NXPE4: variants seen among roughly 807,000 people sequenced by gnomAD.
NXPE4 encodes neurexophilin and PC-esterase domain family member 4.
A neutral mutation model predicts 33.3 loss-of-function variants in NXPE4; 42 were observed. The ratio of observed to expected loss-of-function variants is 1.26; its 90% CI spans 0.98 to 1.63. The LOEUF (loss-of-function observed/expected upper bound fraction) is 1.63, where lower values mean the gene tolerates loss of function less well. NXPE4 is among the 40% of genes most tolerant of loss of function. NXPE4 has a pLI of 0.00. For synonymous variants in NXPE4, 253 were observed against 234.9 expected, an observed-to-expected ratio of 1.08 and a Z score of -0.71; for missense variants, 709 against 647.6, an observed-to-expected ratio of 1.09 and a Z score of -1.03.
chr11:114,611,297 T>C, the NXPE4 span, among the ~76,000 whole-genome samples: 1 of 151,670 alleles, frequency 6.6e-6, no homozygotes, highest in Non-Finnish European at 1.5e-5. Flanking sequence ...AAGTGTTGCC[T>C]CATGGGTAAT....
chr11:114,671,735 A>G, the NXPE4 span, among the ~76,000 whole-genome samples: 3 of 152,056 alleles, frequency 2.0e-5, no homozygotes, highest in Non-Finnish European at 2.9e-5. Context: ...AGAAATTCTC[A>G]GATAAACAAA....
chr11:114,589,591 C>G (rs899454102), intron 2 of NXPE4, among the ~76,000 whole-genome samples: 16 of 152,112 alleles, frequency 1.1e-4, no homozygotes, highest in African/African-American at 3.1e-4. Flanking sequence ...ATACTTATAG[C>G]CCCAGGAAAA....
the NXPE4 span, among the ~76,000 whole-genome samples, chr11:114,633,697 G>C: frequency 6.7e-6 from 1 of 149,050 alleles, no homozygotes; most frequent in East Asian, 2.0e-4. Context: ...TCCCACCTAT[G>C]AGTGAGAACA....
the NXPE4 span, among the ~76,000 whole-genome samples, chr11:114,621,316 C>T: frequency 2.6e-5 from 4 of 152,192 alleles, no homozygotes; most frequent in African/African-American, 4.8e-5. Flanking sequence ...TGTGGGTATC[C>T]ACTGTTACCC....
chr11:114,661,005 G>C, the NXPE4 span, among the ~76,000 whole-genome samples: 1 of 152,070 alleles, frequency 6.6e-6, no homozygotes, highest in Non-Finnish European at 1.5e-5. Flanking sequence ...AACACAGCAT[G>C]ATTAAGAATG....
At chr11:114,619,420 G>A in the NXPE4 span, among the ~76,000 whole-genome samples, 11 of 150,238 alleles carry the variant, frequency 7.3e-5, no homozygotes, top group African/African-American at 1.2e-4. Flanking sequence ...GTGTTGCCTC[G>A]TGGGTAACCA....
At position 114,582,499 on chromosome 11, in the gene NXPE4, G is replaced by A. The variant is rs1949172060; in HGVS notation, c.619C>T (p.Gln207Ter). 1 of 1,614,042 alleles carries A rather than the reference G, an allele frequency of 6.2e-7. No homozygotes were observed. The highest frequency in any genetic ancestry group is 1.3e-5 in the African/African-American group (1 of 74,934). ...ACTTGGGAAGTGCCATTGACAAACTGGCCAGTGAAGATCACCCTGTCATAG... is the reference window on the plus strand; with the variant it reads ...ACTTGGGAAGTGCCATTGACAAACTAGCCAGTGAAGATCACCCTGTCATAG... Reference protein sequence around the residue: ...QGYDRVIFTGQFVNGTSQVHS... With the variant: ...QGYDRVIFTG Residue 207 changes from glutamine to a stop codon, truncating the protein, a stop_gained, in exon 3 of 6, where the codon CAG becomes TAG. Transcript: ENST00000375478. LOFTEE classifies it high-confidence loss of function.
the NXPE4 span, among the ~76,000 whole-genome samples, chr11:114,667,265 T>C: frequency 1.3e-5 from 2 of 152,146 alleles, no homozygotes; most frequent in African/African-American, 4.8e-5. Context: ...AAATAGGAAG[T>C]TGAGAAAGAG....
chr11:114,581,595 G>T lies in NXPE4; in HGVS notation c.892+130C>A, dbSNP rs150392370. The T allele has an allele frequency of 6.0e-4, 440 of 727,294 alleles. 7 individuals are homozygous for T. The East Asian group carries it at 0.012, about 20-fold the overall frequency. The allele number at this position is 727,294 out of a possible 1,614,324, so 45.1% of individuals were successfully genotyped here. A position where few individuals can be genotyped will look rare whatever the true frequency, so the allele number is the denominator to read the frequency against. ...ACTCACCTAGGTAACTGGTGTCTTG[G>T]CCAACCTTAGATAAGCCAGATGAAC... On this transcript the variant is annotated intron_variant, in intron 4 of 5. Coordinates refer to ENST00000375478, the MANE Select transcript of NXPE4 (RefSeq NM_001077639.2).
At chr11:114,626,446 C>T in the NXPE4 span, among the ~76,000 whole-genome samples, 53 of 151,968 alleles carry the variant, frequency 3.5e-4, no homozygotes, top group African/African-American at 1.3e-3. Context: ...GGTACTCCAA[C>T]AGACCTGCAG....
At chr11:114,654,372 T>A in the NXPE4 span, among the ~76,000 whole-genome samples, 1 of 151,668 alleles carries the variant, frequency 6.6e-6, no homozygotes, top group Non-Finnish European at 1.5e-5. Context: ...AAAAAAAAAA[T>A]GGGATACACA....
At chr11:114,646,514 T>C in the NXPE4 span, among the ~76,000 whole-genome samples, 11 of 152,112 alleles carry the variant, frequency 7.2e-5, no homozygotes, top group East Asian at 1.7e-3. Flanking sequence ...ATTAGAACAA[T>C]GTAATTTTTT....
the NXPE4 span, among the ~76,000 whole-genome samples, chr11:114,621,206 A>G: frequency 2.2e-4 from 34 of 152,286 alleles, no homozygotes; most frequent in Non-Finnish European, 3.7e-4. Flanking sequence ...TACCTGGTGG[A>G]TAATAAGTGT....
At chr11:114,657,277 G>C in the NXPE4 span, among the ~76,000 whole-genome samples, 1 of 152,130 alleles carries the variant, frequency 6.6e-6, no homozygotes, top group Non-Finnish European at 1.5e-5. Flanking sequence ...GAGGTTCTTA[G>C]CCAGGGGTCC....
the NXPE4 span, among the ~76,000 whole-genome samples, chr11:114,633,329 A>G: frequency 1.4e-5 from 2 of 140,872 alleles, no homozygotes; most frequent in African/African-American, 2.6e-5. Flanking sequence ...ATTATGTGGT[A>G]TTACATTTTA....
At chr11:114,619,521 C>A in the NXPE4 span, among the ~76,000 whole-genome samples, 1 of 151,664 alleles carries the variant, frequency 6.6e-6, no homozygotes, top group African/African-American at 2.4e-5. Flanking sequence ...ACCACTGTTA[C>A]CCGGTGGAGG....
chr11:114,594,282 T>G (rs1246784294), intron 2 of NXPE4, among the ~76,000 whole-genome samples: 3 of 152,128 alleles, frequency 2.0e-5, no homozygotes, highest in Admixed American at 1.3e-4. Context: ...TATCAAAATA[T>G]CTCATCTACC....
chr11:114,638,845 C>G, the NXPE4 span, among the ~76,000 whole-genome samples: 1 of 151,824 alleles, frequency 6.6e-6, no homozygotes, highest in Non-Finnish European at 1.5e-5. Flanking sequence ...AGTGGAGTAC[C>G]CAGCCGTGTG....
At chr11:114,587,480 G>C (rs1466139300) in intron 2 of NXPE4, among the ~76,000 whole-genome samples, 1 of 152,186 alleles carries the variant, frequency 6.6e-6, no homozygotes, top group Non-Finnish European at 1.5e-5. Context: ...CCATCTATTG[G>C]AGAGTCATGC....
Sources: gnomAD v4.1 joint callset for allele counts (sites outside exome capture counted in the v4.1 genomes callset) on GRCh38, gnomAD v4.1.1 for gene constraint, MANE v1.5 for transcripts, NCBI Gene and HGNC (gene_info 2026-07-23, HGNC 2026-07-21) for gene names.